GRK7: variants seen among roughly 807,000 people sequenced by gnomAD.
The protein encoded by GRK7 is G protein-coupled receptor kinase 7, also known as rhodopsin kinase GRK7.
In GRK7, 24 loss-of-function variants were observed where a neutral mutation model predicts 34.1. The ratio of observed to expected loss-of-function variants is 0.70; its 90% confidence interval spans 0.51 to 0.99. The LOEUF is 0.99. Ranked by LOEUF, GRK7 falls within the 50% of genes least tolerant of loss-of-function variation. The pLI is 0.00. For synonymous variants in GRK7, 256 were observed against 279.4 expected (o/e 0.92, Z 0.84); for missense variants, 644 against 707.3 (o/e 0.91, Z 1.02).
intron 1 of GRK7, among the ~76,000 whole-genome samples, chr3:141,772,030 C>T (rs1327012966): frequency 1.3e-5 from 2 of 151,948 alleles, no homozygotes; most frequent in Non-Finnish European, 2.9e-5. Flanking sequence ...AGTTGTTGAA[C>T]AATCAACAAC....
chr3:141,812,359 A>G (rs763119441), intron 5 of GRK7, among the ~76,000 whole-genome samples: 8 of 152,244 alleles, frequency 5.3e-5, no homozygotes, highest in Non-Finnish European at 1.0e-4. Flanking sequence ...AGAGCCCTGC[A>G]CAGAACTGCC....
chr3:141,793,406 G>A (rs1322744290), intron 4 of GRK7, among the ~76,000 whole-genome samples: 2 of 152,236 alleles, frequency 1.3e-5, no homozygotes, highest in Non-Finnish European at 2.9e-5. Context: ...TGGATTGCTG[G>A]CTGGTTTGTG....
At chr3:141,761,945 G>A (rs184402312), upstream of GRK7, among the ~76,000 whole-genome samples, 40,124 of 115,412 alleles carry the variant, frequency 0.35, 6,977 homozygotes, top group Middle Eastern at 0.5. Context: ...CGTAGTTCTC[G>A]AGCCTTGGTT....
At chr3:141,751,986 A>T in the GRK7 span, among the ~76,000 whole-genome samples, 1 of 152,220 alleles carries the variant, frequency 6.6e-6, no homozygotes, top group South Asian at 2.1e-4. Context: ...CCTTCAAAAG[A>T]TTATCTTAAA....
At chr3:141,769,909 T>C (rs1214004475) in intron 1 of GRK7, among the ~76,000 whole-genome samples, 3 of 148,714 alleles carry the variant, frequency 2.0e-5, no homozygotes, top group African/African-American at 2.4e-5. Context: ...CCAACAAGGT[T>C]TTGTTTGTTT....
chr3:141,783,222 T>C lies in GRK7; in HGVS notation c.1050+2411T>C, dbSNP rs1421946330. 2.0e-5 allele frequency among the ~76,000 whole-genome samples: 3 copies of C among 152,218 alleles called. No homozygotes were observed. In the East Asian group the frequency reaches 5.8e-4, roughly 29 times the overall value. On this transcript the variant is annotated intron_variant, in intron 4 of 5. Coordinates refer to ENST00000682958, the MANE Select transcript of GRK7 (RefSeq NM_139209.3). ...ACTTAGATGTCACTGGCTAAGACTGTGATCTGGCCACCCCCTAGCTGCAGA... is the reference window on the plus strand; with the variant it reads ...ACTTAGATGTCACTGGCTAAGACTGCGATCTGGCCACCCCCTAGCTGCAGA...
intron 1 of GRK7, among the ~76,000 whole-genome samples, chr3:141,773,955 C>A (rs761313898): frequency 3.3e-5 from 5 of 152,214 alleles, no homozygotes; most frequent in Admixed American, 6.5e-5. Flanking sequence ...TGGGCCACAT[C>A]CCCAACCCCA....
chr3:141,804,521 A>C (rs1283005046), intron 4 of GRK7, among the ~76,000 whole-genome samples: 1 of 151,970 alleles, frequency 6.6e-6, no homozygotes, highest in Non-Finnish European at 1.5e-5. Flanking sequence ...CTCTTCAGTG[A>C]AGTATTCTCA....
intron 5 of GRK7, 22 bp from the exon 6 acceptor site, chr3:141,816,692 T>A: frequency 6.9e-7 from 1 of 1,446,488 alleles, no homozygotes; most frequent in South Asian, 1.4e-5. Context: ...TGTCTCAGGC[T>A]GATCATCTCC....
intron 2 of GRK7, among the ~76,000 whole-genome samples, chr3:141,777,410 C>T (rs1253754657): frequency 7.6e-6 from 1 of 131,008 alleles, no homozygotes; most frequent in East Asian, 2.3e-4. Context: ...CTGCAAGCTC[C>T]GCCTCCCGGG....
chr3:141,806,407 A>G (rs184175246), intron 4 of GRK7, among the ~76,000 whole-genome samples: 9 of 152,158 alleles, frequency 5.9e-5, no homozygotes, highest in Non-Finnish European at 1.0e-4. Context: ...CACGAAAAAT[A>G]CAAAAATTAG....
upstream of GRK7, among the ~76,000 whole-genome samples, chr3:141,762,710 C>G (rs1265304540): frequency 1.3e-5 from 2 of 152,108 alleles, no homozygotes; most frequent in Non-Finnish European, 2.9e-5. Flanking sequence ...GCCCCTCCCC[C>G]AGCCTCGCTG....
rs746120762 is a variant in GRK7, at chr3:141,780,687, AAC to A, written c.927_928del (p.Glu309AspfsTer11). ...GCCTGTGGGATGCTGCACCTCCATG[AAC>A]TCGGCATCGTCTATCGGGACATGAA... On this transcript the variant is annotated frameshift_variant, in exon 4 of 6. Coordinates refer to ENST00000682958, the MANE Select transcript of GRK7 (RefSeq NM_139209.3). LOFTEE classifies it high-confidence loss of function. The A allele has an allele frequency of 9.9e-6, 16 of 1,614,054 alleles. No individual in the cohort carries two copies. In the African/African-American group the frequency reaches 1.9e-4, roughly 19 times the overall value.
intron 4 of GRK7, among the ~76,000 whole-genome samples, chr3:141,803,957 C>A (rs568845203): frequency 6.6e-6 from 1 of 152,276 alleles, no homozygotes; most frequent in East Asian, 1.9e-4. Context: ...GATCCGCCCG[C>A]CTCAGCCTCA....
At chr3:141,792,918 TA>T (rs2084731622) in intron 4 of GRK7, among the ~76,000 whole-genome samples, 2 of 152,050 alleles carry the variant, frequency 1.3e-5, no homozygotes, top group African/African-American at 4.8e-5. Flanking sequence ...GAAGACTCCA[TA>T]AAAACCCAAA....
upstream of GRK7, among the ~76,000 whole-genome samples, chr3:141,760,514 T>C (rs1370650334): frequency 8.0e-6 from 1 of 125,150 alleles, no homozygotes; most frequent in South Asian, 3.1e-4. Flanking sequence ...TTACATTTGC[T>C]GAGGAGAGCT....
At chr3:141,779,409 CAAAAAAAA>C (rs10626329) in intron 3 of GRK7, among the ~76,000 whole-genome samples, 2 of 96,516 alleles carry the variant, frequency 2.1e-5, no homozygotes, top group Non-Finnish European at 3.9e-5. Context: ...GAGCAAGACT[CAAAAAAAA>C]AAAAAAAAAG....
intron 5 of GRK7, among the ~76,000 whole-genome samples, chr3:141,814,591 G>T (rs983224089): frequency 2.6e-5 from 4 of 152,104 alleles, no homozygotes; most frequent in African/African-American, 4.8e-5. Flanking sequence ...ATTCCATATT[G>T]TGTATGTACC....
intron 5 of GRK7, among the ~76,000 whole-genome samples, chr3:141,815,474 C>T (rs1313054166): frequency 6.6e-6 from 1 of 152,024 alleles, no homozygotes; most frequent in Non-Finnish European, 1.5e-5. Context: ...AAACAGCCCA[C>T]TTTTTATTTT....
Sources: allele counts gnomAD v4.1 joint callset (sites outside exome capture counted in the v4.1 genomes callset), GRCh38; gene constraint gnomAD v4.1.1; transcripts MANE v1.5; gene names NCBI Gene and HGNC (gene_info 2026-07-23, HGNC 2026-07-21).